The following RAPH1 variants were observed in gnomAD, a reference collection of about 807,000 sequenced individuals.
RAPH1 encodes the protein ras-associated and pleckstrin homology domains-containing protein 1.
RAPH1 carries 18 observed loss-of-function variants against 88.1 expected under a neutral mutation model. The observed-to-expected ratio is 0.20, with a 90% confidence interval of 0.14 to 0.30. RAPH1 has a LOEUF of 0.30. RAPH1 is among the 10% of genes least tolerant of loss of function. The probability of loss-of-function intolerance (pLI) is 1.00; values close to 1 mark genes in which losing one functional copy is unlikely to be tolerated. For missense variants in RAPH1, 1,448 were observed against 1,543.2 expected (o/e 0.94, Z 1.03); for synonymous variants, 587 against 559.0 (o/e 1.05, Z -0.71).
chr2:203,464,830 T>C (rs1380327584), intron 4 of RAPH1, among the ~76,000 whole-genome samples: 2 of 152,076 alleles, frequency 1.3e-5, no homozygotes, highest in South Asian at 2.1e-4. Flanking sequence ...ATTTTAAAAA[T>C]AGGCAAAAGA....
rs958207136 is a variant in RAPH1 at position 203,512,758 on chromosome 2, G to A, written c.1-17405C>T. ...CTTGCCTCAGCCTCCCAAGTAGCTG[G>A]GATTACAGGCACATGCCACCATGCC... On this transcript the variant is annotated intron_variant, in intron 1 of 13. Transcript: ENST00000319170. 4.0e-5 allele frequency among the ~76,000 whole-genome samples: 6 copies of A among 151,722 alleles called. No individual in the cohort carries two copies. The East Asian group carries it at 1.2e-3, about 30-fold the overall frequency.
At chr2:203,480,544 T>C (rs1034537928) in intron 4 of RAPH1, among the ~76,000 whole-genome samples, 13 of 151,980 alleles carry the variant, frequency 8.6e-5, no homozygotes, top group African/African-American at 2.9e-4. Flanking sequence ...CAAGACCCTG[T>C]CTCAAAAAAT....
Position 203,434,017 on chromosome 2 carries a change from A to T in RAPH1, c.*5420T>A, listed in dbSNP as rs1453045890. ...ACATCCTCAGAAAAACATCCTCAGT[A>T]GTACTGAATATATCTCTCTCATATA... On this transcript the variant is annotated 3_prime_UTR_variant, in exon 14 of 14. Coordinates refer to ENST00000319170, the MANE Select transcript of RAPH1 (RefSeq NM_213589.3). 1.3e-5 allele frequency: 2 copies of T among 150,126 alleles called. No homozygotes were observed. The highest frequency in any genetic ancestry group is 2.9e-5 in the Non-Finnish European group (2 of 67,852). 9.3% of individuals were successfully genotyped at this position (150,126 alleles called of 1,614,324 possible).
chr2:203,441,755 A>G (rs1044776395), intron 13 of RAPH1: 32 of 1,284,474 alleles, frequency 2.5e-5, no homozygotes, highest in African/African-American at 1.5e-4. Flanking sequence ...CCTGCCCTAC[A>G]TGGAACCCTC....
intron 4 of RAPH1, among the ~76,000 whole-genome samples, chr2:203,473,800 A>T (rs2098535150): frequency 6.6e-6 from 1 of 152,206 alleles, no homozygotes; most frequent in Non-Finnish European, 1.5e-5. Flanking sequence ...TTTATTTACC[A>T]ACTATAGACA....
intron 1 of RAPH1, among the ~76,000 whole-genome samples, chr2:203,532,494 GAATTAGGCTGCCCGGTTTCAA>G (rs1690434390): frequency 6.6e-6 from 1 of 152,180 alleles, no homozygotes; most frequent in African/African-American, 2.4e-5. Context: ...ACAAGCTTAA[GAATTAGGCTGCCCGGTTTCAA>G]ATCCAGCTCT....
At chr2:203,503,567 G>C (rs1200074766) in intron 1 of RAPH1, among the ~76,000 whole-genome samples, 1 of 152,156 alleles carries the variant, frequency 6.6e-6, no homozygotes, top group African/African-American at 2.4e-5. Context: ...TACAATTCAA[G>C]TTGAGATTTG....
rs371170421 is a variant in RAPH1 at position 203,514,355 on chromosome 2, TTTTTTG to T, written c.1-19008_1-19003del. On this transcript the variant is annotated intron_variant, in intron 1 of 13. Coordinates refer to ENST00000319170, the MANE Select transcript of RAPH1 (RefSeq NM_213589.3). ...ACTTCTAATTTAATACTTTTAGGGT[TTTTTTG>T]TTTTTGTTTTTGTTTTTACTCTCTG... 4.9e-3 allele frequency among the ~76,000 whole-genome samples: 752 copies of T among 152,310 alleles called. 4 individuals are homozygous for T. The highest frequency in any genetic ancestry group is 5.2e-3 in the Non-Finnish European group (351 of 68,018).
intron 4 of RAPH1, among the ~76,000 whole-genome samples, chr2:203,479,242 C>G (rs1438804258): frequency 2.6e-5 from 4 of 152,116 alleles, no homozygotes; most frequent in Non-Finnish European, 5.9e-5. Flanking sequence ...AAAATCTATT[C>G]TTTCTGGACT....
intron 1 of RAPH1, among the ~76,000 whole-genome samples, chr2:203,498,230 A>C (rs1376302745): frequency 6.6e-6 from 1 of 152,208 alleles, no homozygotes. Context: ...CTATTGGCAG[A>C]AACAGCAGCT....
intron 1 of RAPH1, among the ~76,000 whole-genome samples, chr2:203,504,835 T>C (rs893776732): frequency 6.6e-6 from 1 of 152,158 alleles, no homozygotes; most frequent in African/African-American, 2.4e-5. Context: ...CCCTAAATCA[T>C]CTCTCTCAAT....
intron 1 of RAPH1, among the ~76,000 whole-genome samples, chr2:203,504,633 A>T: frequency 6.6e-6 from 1 of 151,420 alleles, no homozygotes; most frequent in East Asian, 1.9e-4. Flanking sequence ...GCTCCTTGCT[A>T]TTTATGCAAA....
Position 203,464,070 on chromosome 2 carries a change from A to T in RAPH1, c.733-2145T>A, listed in dbSNP as rs566034403. On this transcript the variant is annotated intron_variant, in intron 4 of 13. Transcript: ENST00000319170. The stretch of plus-strand genomic sequence containing the variant: ...AAAGAAGGAGGCAGAAGTTTCATGA[A>T]TATTTTCTCAATGGGATAATGATCT... Among the ~76,000 whole-genome samples the T allele has an allele frequency of 3.0e-4, 45 of 152,326 alleles. 1 individual carries two copies. Among genetic ancestry groups the T allele is most frequent in the African/African-American group, 1.0e-3 (42 of 41,572 alleles).
chr2:203,533,817 G>GC (rs1690495038), intron 1 of RAPH1, among the ~76,000 whole-genome samples: 1 of 152,068 alleles, frequency 6.6e-6, no homozygotes, highest in African/African-American at 2.4e-5. Context: ...AAGGTGCTAC[G>GC]CATTTTGCAT....
intron 4 of RAPH1, among the ~76,000 whole-genome samples, chr2:203,470,633 C>T (rs929325639): frequency 3.3e-5 from 5 of 152,232 alleles, no homozygotes; most frequent in Non-Finnish European, 7.3e-5. Flanking sequence ...CTCATGAATG[C>T]TGTGCACAGC....
intron 4 of RAPH1, among the ~76,000 whole-genome samples, chr2:203,476,393 ACTC>A (rs1408475096): frequency 1.1e-4 from 16 of 151,696 alleles, no homozygotes; most frequent in Admixed American, 1.1e-3. Context: ...CTGGTCTTGA[ACTC>A]CTGGCCTCAA....
rs559482616 is a variant in RAPH1, at chr2:203,433,724, C to T, written c.*5713G>A. On this transcript the variant is annotated 3_prime_UTR_variant, in exon 14 of 14. Transcript: ENST00000319170. ...GTTTATTTACCACACTTAATTTCTTCTGTGTATGGCCTATGTTTTGGGTAC... is the reference window on the plus strand; with the variant it reads ...GTTTATTTACCACACTTAATTTCTTTTGTGTATGGCCTATGTTTTGGGTAC... 6.6e-6 allele frequency: 1 copy of T among 152,342 alleles called. No homozygotes were observed. The highest frequency in any genetic ancestry group is 1.9e-4 in the East Asian group (1 of 5,190). 9.4% of individuals were successfully genotyped at this position (152,342 alleles called of 1,614,324 possible).
At chr2:203,495,164 C>G in intron 2 of RAPH1, 70 bp downstream of exon 2, 1 of 1,571,010 alleles carries the variant, frequency 6.4e-7, no homozygotes, top group Non-Finnish European at 8.7e-7. Context: ...TCCATATCCT[C>G]TTCTGCACAT....
At position 203,447,979 on chromosome 2, in the gene RAPH1, G is replaced by T. The variant is rs2098511494; in HGVS notation, c.1613C>A (p.Ser538Tyr). ...ACTACCTGGGATGCTGGAAGAACTGGATCCCGATTTAATGCTGGAGCTGGA... is the reference window on the plus strand; with the variant it reads ...ACTACCTGGGATGCTGGAAGAACTGTATCCCGATTTAATGCTGGAGCTGGA... ...SLSSSSIKSG[S>Y]SSSSIPESQS... is the part of the protein sequence containing the mutation. The change falls in exon 12 of 14, where the codon TCC (serine) becomes TAC (tyrosine). Residue 538 changes from serine (S) to tyrosine (Y), a missense_variant. Physicochemically the swap from Ser to Tyr is moderately radical, Grantham distance 144. Coordinates refer to ENST00000319170, the MANE Select transcript of RAPH1 (RefSeq NM_213589.3). The T allele has an allele frequency of 6.2e-7, 1 of 1,613,892 alleles. No homozygotes were observed. Among genetic ancestry groups the T allele is most frequent in the Non-Finnish European group, 8.5e-7 (1 of 1,179,880 alleles).
Sources: allele counts gnomAD v4.1 joint callset (sites outside exome capture counted in the v4.1 genomes callset), GRCh38; gene constraint gnomAD v4.1.1; transcripts MANE v1.5; gene names NCBI Gene and HGNC (gene_info 2026-07-23, HGNC 2026-07-21).